ADAM18: variants seen among roughly 807,000 people sequenced by gnomAD.
ADAM18 encodes ADAM metallopeptidase domain 18, also known as disintegrin and metalloproteinase domain-containing protein 18.
A neutral mutation model predicts 94.4 loss-of-function variants in ADAM18; 117 were observed. The observed-to-expected ratio is 1.24, with a 90% CI of 1.07 to 1.45. ADAM18 has a LOEUF of 1.45. Ranked by LOEUF, ADAM18 falls within the 40% of genes most tolerant of loss-of-function variation. The pLI is 0.00. For synonymous variants in ADAM18, 327 were observed against 291.6 expected, an observed-to-expected ratio of 1.12 and a Z score of -1.24; for missense variants, 936 against 880.0, an observed-to-expected ratio of 1.06 and a Z score of -0.81.
chr8:39,595,471 AT>A (rs1443343589), intron 2 of ADAM18, among the ~76,000 whole-genome samples: 1 of 151,952 alleles, frequency 6.6e-6, no homozygotes, highest in African/African-American at 2.4e-5. Context: ...TTTTATTTTT[AT>A]TTTTTTAAAT....
Position 39,584,622 on chromosome 8 carries a change from C to T in ADAM18, c.-1C>T. The stretch of plus-strand genomic sequence containing the variant: ...TGTGGCTCCTGCGCTCTGGCTGAGC[C>T]ATGTTCCTTCTCCTCGCCCTCCTCA... On this transcript the variant is annotated 5_prime_UTR_variant, in exon 1 of 20. Coordinates refer to ENST00000265707, the MANE Select transcript of ADAM18 (RefSeq NM_014237.3). The T allele has an allele frequency of 6.2e-7, 1 of 1,612,978 alleles. No individual in the cohort carries two copies. Among genetic ancestry groups the T allele is most frequent in the Non-Finnish European group, 8.5e-7 (1 of 1,180,026 alleles).
At chr8:39,704,293 A>C (rs557388476) in intron 17 of ADAM18, among the ~76,000 whole-genome samples, 26 of 152,272 alleles carry the variant, frequency 1.7e-4, no homozygotes, top group African/African-American at 6.0e-4. Flanking sequence ...ATGAACATCG[A>C]TGCAAAAATC....
intron 18 of ADAM18, among the ~76,000 whole-genome samples, chr8:39,719,001 C>A (rs1822664732): frequency 1.3e-5 from 2 of 151,094 alleles, no homozygotes; most frequent in East Asian, 1.9e-4. Flanking sequence ...TGATTGTAAA[C>A]CTTATTGTAA....
intron 7 of ADAM18, 57 bp from the exon 8 acceptor site, chr8:39,637,207 T>C (rs1820103594): frequency 7.6e-7 from 1 of 1,321,532 alleles, no homozygotes; most frequent in South Asian, 1.3e-5. Flanking sequence ...CTAAATATCA[T>C]TTCATTCACA....
chr8:39,635,175 A>G (rs560198231), intron 7 of ADAM18, among the ~76,000 whole-genome samples: 1 of 152,314 alleles, frequency 6.6e-6, no homozygotes, highest in Admixed American at 6.5e-5. Flanking sequence ...CTCCACTCCC[A>G]GAAATGTGAG....
chr8:39,661,215 C>T (rs1182046952), intron 12 of ADAM18, among the ~76,000 whole-genome samples: 5 of 135,136 alleles, frequency 3.7e-5, no homozygotes, highest in Admixed American at 2.4e-4. Context: ...TGCAGTGGTG[C>T]GATATCGGCT....
Position 39,706,910 on chromosome 8 carries a change from T to C in ADAM18, c.2017+6T>C. On this transcript the variant is annotated splice_donor_region_variant and intron_variant, in intron 18 of 19. Coordinates refer to ENST00000265707, the MANE Select transcript of ADAM18 (RefSeq NM_014237.3). ...TGGAAATTTTCAGAAATCTGGTAAGTGGAAATTTGTTTTCTAAAGCAAAAT... is the reference window on the plus strand; with the variant it reads ...TGGAAATTTTCAGAAATCTGGTAAGCGGAAATTTGTTTTCTAAAGCAAAAT... The C allele has an allele frequency of 6.6e-7, 1 of 1,513,814 alleles. No individual in the cohort carries two copies. Among genetic ancestry groups the C allele is most frequent in the Non-Finnish European group, 9.1e-7 (1 of 1,101,726 alleles). The allele number at this position is 1,513,814 out of a possible 1,614,324, so 93.8% of individuals were successfully genotyped here.
chr8:39,603,161 T>C (rs1327123358), intron 2 of ADAM18, among the ~76,000 whole-genome samples: 1 of 152,224 alleles, frequency 6.6e-6, no homozygotes, highest in Non-Finnish European at 1.5e-5. Flanking sequence ...TTTGAATCTT[T>C]TTCAAAAATC....
intron 13 of ADAM18, among the ~76,000 whole-genome samples, chr8:39,665,833 T>A (rs1230437044): frequency 6.6e-6 from 1 of 152,274 alleles, no homozygotes; most frequent in East Asian, 1.9e-4. Context: ...ACAAAATATG[T>A]TTTTACTATT....
At chr8:39,663,934 G>T (rs559255877) in intron 13 of ADAM18, 44 bp downstream of exon 13, 1 of 1,297,226 alleles carries the variant, frequency 7.7e-7, no homozygotes. Flanking sequence ...ACTGTGGTAA[G>T]AGACGTCTGT....
intron 18 of ADAM18, among the ~76,000 whole-genome samples, chr8:39,708,515 G>T (rs924313919): frequency 6.6e-6 from 1 of 152,162 alleles, no homozygotes; most frequent in East Asian, 1.9e-4. Flanking sequence ...CTTTAAGAAA[G>T]GATAGTAAAA....
At chr8:39,661,334 T>TGGA in intron 12 of ADAM18, among the ~76,000 whole-genome samples, 1 of 143,716 alleles carries the variant, frequency 7.0e-6, no homozygotes, top group Non-Finnish European at 1.5e-5. Context: ...TTTTTTTTTT[T>TGGA]TTTTTTTTTT....
At chr8:39,670,315 T>G (rs1046736170) in intron 14 of ADAM18, among the ~76,000 whole-genome samples, 2 of 152,154 alleles carry the variant, frequency 1.3e-5, no homozygotes, top group Admixed American at 1.3e-4. Flanking sequence ...TATGAATGCA[T>G]CAAAAATTTC....
chr8:39,654,410 A>G (rs1820629893), intron 12 of ADAM18, among the ~76,000 whole-genome samples: 1 of 148,016 alleles, frequency 6.8e-6, no homozygotes, highest in Non-Finnish European at 1.5e-5. Flanking sequence ...TCTATTGTGT[A>G]TATAAACCAC....
chr8:39,597,747 T>A (rs1408150909), intron 2 of ADAM18, among the ~76,000 whole-genome samples: 3 of 152,194 alleles, frequency 2.0e-5, no homozygotes, highest in Non-Finnish European at 4.4e-5. Context: ...TTTAGTATTG[T>A]GTTGTGTTGC....
chr8:39,636,961 T>A (rs1820088804), intron 7 of ADAM18, among the ~76,000 whole-genome samples: 1 of 149,498 alleles, frequency 6.7e-6, no homozygotes, highest in Non-Finnish European at 1.5e-5. Flanking sequence ...ATCCATGTTT[T>A]CACAAATGAC....
chr8:39,664,332 G>A (rs1401301233), intron 13 of ADAM18, among the ~76,000 whole-genome samples: 1 of 152,042 alleles, frequency 6.6e-6, no homozygotes, highest in South Asian at 2.1e-4. Context: ...GGTAATATAA[G>A]TAATACAGAG....
chr8:39,675,132 T>C (rs1181189623), intron 14 of ADAM18, among the ~76,000 whole-genome samples: 1 of 152,188 alleles, frequency 6.6e-6, no homozygotes, highest in African/African-American at 2.4e-5. Context: ...AGTATCTTTG[T>C]GGTGTTCTCT....
chr8:39,681,707 T>C (rs1383643859), intron 16 of ADAM18, among the ~76,000 whole-genome samples: 2 of 152,164 alleles, frequency 1.3e-5, no homozygotes, highest in Non-Finnish European at 2.9e-5. Context: ...AGTCCAACTC[T>C]GCACTTTGAG....
Sources: allele counts gnomAD v4.1 joint callset (sites outside exome capture counted in the v4.1 genomes callset), GRCh38; gene constraint gnomAD v4.1.1; transcripts MANE v1.5; gene names NCBI Gene and HGNC (gene_info 2026-07-23, HGNC 2026-07-21).